NCOA2: variants seen among roughly 807,000 people sequenced by gnomAD.
NCOA2 encodes the protein class E basic helix-loop-helix protein 75.
NCOA2 carries 21 observed loss-of-function variants against 145.1 expected under a neutral mutation model. The ratio of observed to expected loss-of-function variants is 0.14; its 90% CI spans 0.10 to 0.21. The LOEUF is 0.21. Ranked by LOEUF, NCOA2 falls within the 10% of genes least tolerant of loss-of-function variation. NCOA2 has a pLI of 1.00. For missense variants in NCOA2, 1,472 were observed against 1,837.6 expected (o/e 0.80, Z 3.64); for synonymous variants, 619 against 637.5 (o/e 0.97, Z 0.44).
chr8:70,365,176 A>T (rs1810577801), intron 1 of NCOA2, among the ~76,000 whole-genome samples: 1 of 152,282 alleles, frequency 6.6e-6, no homozygotes, highest in Admixed American at 6.5e-5. Flanking sequence ...CTACAAAAAA[A>T]TACAAAAATT....
chr8:70,221,065 C>CTGA (rs1466495188), intron 2 of NCOA2, among the ~76,000 whole-genome samples: 3 of 152,156 alleles, frequency 2.0e-5, no homozygotes, highest in Non-Finnish European at 4.4e-5. Flanking sequence ...GAGGACCTGC[C>CTGA]TGATAAATCA....
intron 4 of NCOA2, among the ~76,000 whole-genome samples, chr8:70,181,524 T>G (rs767943809): frequency 7.9e-5 from 12 of 152,240 alleles, no homozygotes; most frequent in Admixed American, 2.0e-4. Context: ...ATCCCTGATG[T>G]GTAAAGACAA....
chr8:70,162,858 T>A lies in NCOA2; in HGVS notation c.833-4A>T, dbSNP rs1012567533. On this transcript the variant is annotated splice_region_variant and splice_polypyrimidine_tract_variant and intron_variant, in intron 8 of 22. Transcript: ENST00000452400. ...GTATCCAGAGACGTGATCTTGCCTA[T>A]TAAGTAACAGCAGGCATTATACCTA... The A allele has an allele frequency of 1.5e-5, 24 of 1,610,366 alleles. No individual in the cohort carries two copies. The highest frequency in any genetic ancestry group is 2.0e-5 in the Non-Finnish European group (23 of 1,178,834).
chr8:70,274,096 G>A (rs900509597), intron 2 of NCOA2, among the ~76,000 whole-genome samples: 10 of 151,760 alleles, frequency 6.6e-5, no homozygotes, highest in African/African-American at 2.2e-4. Flanking sequence ...AAAGGTTAAC[G>A]AAGTTCTTTG....
chr8:70,256,187 T>C (rs1445422705), intron 2 of NCOA2, among the ~76,000 whole-genome samples: 4 of 152,178 alleles, frequency 2.6e-5, no homozygotes, highest in African/African-American at 9.7e-5. Flanking sequence ...TCACCACCTG[T>C]CCCTCTCATT....
intron 1 of NCOA2, among the ~76,000 whole-genome samples, chr8:70,333,024 CTGAGA>C (rs1422734472): frequency 6.6e-6 from 1 of 152,190 alleles, no homozygotes; most frequent in African/African-American, 2.4e-5. Flanking sequence ...TTCTCAGTTT[CTGAGA>C]TAACTTGCCT....
At position 70,216,257 on chromosome 8, in the gene NCOA2, A is replaced by C. The variant is rs143605536; in HGVS notation, c.86+403T>G. ...TTTGTTTTATTCACTAAAGAGCCAC[A>C]ATCTTTGTTCTCAACTCAGAAGTAC... is the stretch of plus-strand genomic sequence containing the variant. On this transcript the variant is annotated intron_variant, in intron 3 of 22. Transcript: ENST00000452400. Among the ~76,000 whole-genome samples the C allele has an allele frequency of 5.1e-3, 777 of 152,340 alleles. 2 individuals are homozygous for C. Among genetic ancestry groups the C allele is most frequent in the Non-Finnish European group, 7.2e-3 (490 of 68,022 alleles).
rs199514678 is a variant in NCOA2 at position 70,124,695 on chromosome 8, C to T, written c.4087G>A (p.Gly1363Arg). The stretch of plus-strand genomic sequence containing the variant: ...AGAAGGATTTGCGGTTACCTGTTTC[C>T]GCCCATGTTCCCCTGCGCCCATCCA... Reference protein sequence around the residue: ...INGWAQGNMGGNSMFSQQSPP... With the variant: ...INGWAQGNMGRNSMFSQQSPP... Residue 1363 changes from glycine (G) to arginine (R), a missense_variant, in exon 20 of 23, where the codon GGA becomes AGA. This residue lies in a region of NCOA2 where 232 missense variants were observed against 290.6 expected (regional missense o/e 0.80). Transcript: ENST00000452400. 1.6e-3 allele frequency: 2,553 copies of T among 1,602,602 alleles called. 4 individuals are homozygous for T. The highest frequency in any genetic ancestry group is 2.0e-3 in the Non-Finnish European group (2,324 of 1,176,010).
chr8:70,367,630 G>A (rs985715668), intron 1 of NCOA2, among the ~76,000 whole-genome samples: 7 of 152,092 alleles, frequency 4.6e-5, no homozygotes, highest in Admixed American at 1.3e-4. Context: ...ATCAGTTTCC[G>A]TGTATTAAGT....
intron 1 of NCOA2, among the ~76,000 whole-genome samples, chr8:70,342,774 TACACACACACACACAC>T (rs370685018): frequency 1.7e-3 from 209 of 124,130 alleles, no homozygotes; most frequent in African/African-American, 4.0e-3. Flanking sequence ...CTTTTGCAAT[TACACACACACACACAC>T]ACACACACAC....
intron 4 of NCOA2, among the ~76,000 whole-genome samples, chr8:70,180,912 GA>G (rs1401729766): frequency 1.3e-5 from 2 of 152,066 alleles, no homozygotes; most frequent in Non-Finnish European, 2.9e-5. Flanking sequence ...CTTCTGGTGA[GA>G]ACAATAAATT....
At chr8:70,140,824 T>C (rs1810323475) in intron 14 of NCOA2, among the ~76,000 whole-genome samples, 1 of 152,034 alleles carries the variant, frequency 6.6e-6, no homozygotes, top group Non-Finnish European at 1.5e-5. Flanking sequence ...CTCGAACTCC[T>C]GACCTCAAGT....
chr8:70,273,642 C>CAA, intron 2 of NCOA2: 1 of 725,462 alleles, frequency 1.4e-6, no homozygotes, highest in Non-Finnish European at 2.5e-6. Flanking sequence ...TATACTGAGA[C>CAA]AAAGCAGCTG....
chr8:70,452,645 C>G, the NCOA2 span, among the ~76,000 whole-genome samples: 1 of 149,866 alleles, frequency 6.7e-6, no homozygotes, highest in Non-Finnish European at 1.5e-5. Context: ...TTGTAAAACA[C>G]AAAATATACT....
At chr8:70,362,245 A>G (rs1470897008) in intron 1 of NCOA2, among the ~76,000 whole-genome samples, 1 of 152,228 alleles carries the variant, frequency 6.6e-6, no homozygotes, top group Non-Finnish European at 1.5e-5. Context: ...AGAAAAAAGG[A>G]TAATCAAAAC....
In NCOA2 at chr8:70,162,828, T is replaced by C. The variant is rs776332146; in HGVS notation, c.859A>G (p.Thr287Ala). The stretch of plus-strand genomic sequence containing the variant: ...CCTGGTTTCATGGCTGCTCTCATGG[T>C]GCTGGTATCCAGAGACGTGATCTTG... ...QGKITSLDTSTMRAAMKPGWE... is the reference protein window; with the variant it reads ...QGKITSLDTSAMRAAMKPGWE... The change falls in exon 9 of 23, where the codon ACC becomes GCC. Residue 287 changes from threonine (T) to alanine (A), a missense_variant. Thr to Ala is a moderately conservative substitution (Grantham distance 58). Coordinates refer to ENST00000452400, the MANE Select transcript of NCOA2 (RefSeq NM_006540.4). 3.7e-6 allele frequency: 6 copies of C among 1,613,878 alleles called. No individual in the cohort carries two copies. The Admixed American group carries it at 1.0e-4, about 27-fold the overall frequency.
chr8:70,294,888 T>C (rs1164359456), intron 2 of NCOA2, among the ~76,000 whole-genome samples: 1 of 152,244 alleles, frequency 6.6e-6, no homozygotes, highest in Non-Finnish European at 1.5e-5. Context: ...ATAGTTGTTA[T>C]TAGTATTATC....
At chr8:70,306,973 G>A (rs762912736) in intron 1 of NCOA2, among the ~76,000 whole-genome samples, 1 of 152,100 alleles carries the variant, frequency 6.6e-6, no homozygotes, top group Non-Finnish European at 1.5e-5. Flanking sequence ...AATCCAGGTC[G>A]TTCTGAATTC....
the NCOA2 span, among the ~76,000 whole-genome samples, chr8:70,452,209 G>C: frequency 6.6e-6 from 1 of 152,168 alleles, no homozygotes; most frequent in African/African-American, 2.4e-5. Context: ...CTCCTGGGAT[G>C]GAGTGATCTG....
Sources: gnomAD v4.1 joint callset for allele counts (sites outside exome capture counted in the v4.1 genomes callset) on GRCh38, gnomAD v4.1.1 for gene constraint, gnomAD v4.1.1 regional missense constraint, MANE v1.5 for transcripts, NCBI Gene and HGNC (gene_info 2026-07-23, HGNC 2026-07-21) for gene names.